The following TOP2A variants were observed in gnomAD, a reference collection of about 807,000 sequenced individuals.
TOP2A encodes the protein DNA topoisomerase II alpha.
Under a neutral mutation model 187.2 loss-of-function variants are expected in TOP2A, and 68 were observed. The ratio of observed to expected loss-of-function variants is 0.36; its 90% CI spans 0.30 to 0.44. The LOEUF (loss-of-function observed/expected upper bound fraction) is 0.44. Ranked by LOEUF, TOP2A falls within the 20% of genes least tolerant of loss-of-function variation. TOP2A has a pLI of 1.00. For synonymous variants in TOP2A, 542 were observed against 593.2 expected, an observed-to-expected ratio of 0.91 and a Z score of 1.25; for missense variants, 1,196 against 1,808.7, an observed-to-expected ratio of 0.66 and a Z score of 6.14.
At chr17:40,407,242 C>T (rs545436667) in intron 13 of TOP2A, among the ~76,000 whole-genome samples, 95 of 152,150 alleles carry the variant, frequency 6.2e-4, no homozygotes, top group Admixed American at 2.6e-4. Flanking sequence ...CCAGCCTGGG[C>T]GACAAGGGCG....
intron 16 of TOP2A, among the ~76,000 whole-genome samples, chr17:40,405,139 G>A (rs1391112663): frequency 6.6e-5 from 10 of 151,092 alleles, no homozygotes; most frequent in South Asian, 2.1e-4. Context: ...AAAGGCGCCC[G>A]CCACCACGCC....
In TOP2A at chr17:40,392,738, C is replaced by T; in HGVS notation, c.3812-1G>A. ...GTAGTTTGTTTCTTTGTCTTTGTAC[C>T]TAGAGGGGAGATAGAAATTAATCAC... On this transcript the variant is annotated splice_acceptor_variant, in intron 29 of 34. Coordinates refer to ENST00000423485, the MANE Select transcript of TOP2A (RefSeq NM_001067.4). LOFTEE classifies it high-confidence loss of function. 6.2e-7 allele frequency: 1 copy of T among 1,602,990 alleles called. No homozygotes were observed. Among genetic ancestry groups the T allele is most frequent in the Non-Finnish European group, 8.5e-7 (1 of 1,177,360 alleles).
At chr17:40,407,144 A>G (rs943395524) in intron 13 of TOP2A, among the ~76,000 whole-genome samples, 1 of 152,166 alleles carries the variant, frequency 6.6e-6, no homozygotes, top group African/African-American at 2.4e-5. Flanking sequence ...TCCGCCTGCA[A>G]TCCCAGCTAC....
At chr17:40,399,152 A>C in intron 24 of TOP2A, 21 bp from the exon 25 acceptor site, 11 of 1,462,794 alleles carry the variant, frequency 7.5e-6, no homozygotes, top group Non-Finnish European at 1.0e-5. Flanking sequence ...AAAAGTAAAC[A>C]GAGATAATGA....
At chr17:40,416,190 T>G in intron 3 of TOP2A, 122 bp from the exon 4 acceptor site, 1 of 856,268 alleles carries the variant, frequency 1.2e-6, no homozygotes, top group Non-Finnish European at 1.8e-6. Context: ...AACAAGGTGT[T>G]AATTTAGCAA....
chr17:40,396,274 G>T lies in TOP2A; in HGVS notation c.3720+9C>A. 2 of 1,470,322 alleles carry T rather than the reference G, an allele frequency of 1.4e-6. No individual in the cohort carries two copies. Among genetic ancestry groups the T allele is most frequent in the South Asian group, 1.2e-5 (1 of 85,096 alleles). 91.1% of individuals were successfully genotyped at this position (1,470,322 alleles called of 1,614,324 possible). On this transcript the variant is annotated intron_variant, in intron 28 of 34. Coordinates refer to ENST00000423485, the MANE Select transcript of TOP2A (RefSeq NM_001067.4). The stretch of plus-strand genomic sequence containing the variant: ...GGATTATAGGTGTGAGCCACCACAA[G>T]AGTATTACCTTAATTTTCTTTTTAT...
intron 4 of TOP2A, 35 bp downstream of exon 4, chr17:40,415,970 C>A: frequency 7.0e-7 from 1 of 1,426,684 alleles, no homozygotes; most frequent in South Asian, 1.2e-5. Context: ...ACAATAGCAA[C>A]GAGCTACATA....
intron 3 of TOP2A, 43 bp from the exon 4 acceptor site, chr17:40,416,111 T>TA (rs2035387067): frequency 4.9e-6 from 7 of 1,420,786 alleles, no homozygotes; most frequent in Non-Finnish European, 6.8e-6. Context: ...ATTAGTGTTT[T>TA]AAGAAACATT....
rs1163213181 is a variant in TOP2A at position 40,413,580 on chromosome 17, A to T, written c.378T>A (p.Pro126=). 2 of 1,487,966 alleles carry T rather than the reference A, an allele frequency of 1.3e-6. No individual in the cohort carries two copies. Among genetic ancestry groups the T allele is most frequent in the East Asian group, 5.0e-5 (2 of 40,256 alleles). The allele number at this position is 1,487,966 out of a possible 1,614,324, so 92.2% of individuals were successfully genotyped here. ...TCTTTTCAACTTTGTGTTCAACAAC[A>T]GGAATACCTTTTCCATTATTCCATA... is the stretch of plus-strand genomic sequence containing the variant. ...ISIWNNGKGI[P]VVEHKVEKMY... The change falls in exon 5 of 35, where the codon CCT becomes CCA. Residue 126 remains proline (P), a synonymous_variant. Transcript: ENST00000423485.
At chr17:40,416,594 T>C in intron 2 of TOP2A, 82 bp from the exon 3 acceptor site, 1 of 1,421,602 alleles carries the variant, frequency 7.0e-7, no homozygotes, top group Non-Finnish European at 9.9e-7. Context: ...AGTGTTCATA[T>C]TAAGTATTAC....
At chr17:40,413,020 A>G (rs2035342935) in intron 6 of TOP2A, 49 bp from the exon 7 acceptor site, 2 of 1,479,562 alleles carry the variant, frequency 1.4e-6, no homozygotes, top group South Asian at 1.2e-5. Flanking sequence ...TCATCTCACA[A>G]ACTGGAAGTA....
At chr17:40,395,223 C>T (rs996034102) in intron 29 of TOP2A, among the ~76,000 whole-genome samples, 2 of 140,458 alleles carry the variant, frequency 1.4e-5, no homozygotes, top group African/African-American at 2.7e-5. Flanking sequence ...GTGAAGATTG[C>T]AGTGAGCCGA....
chr17:40,401,780 C>T (rs1302248937), intron 20 of TOP2A, among the ~76,000 whole-genome samples: 1 of 151,690 alleles, frequency 6.6e-6, no homozygotes, highest in East Asian at 1.9e-4. Context: ...AAGAGTGTTG[C>T]AGGCAAAGGA....
chr17:40,409,577 G>A lies in TOP2A; in HGVS notation c.1204-947C>T, dbSNP rs920970061. The A allele has an allele frequency of 2.3e-4, 89 of 383,626 alleles. 1 individual carries two copies. In the Admixed American group the frequency reaches 3.0e-3, roughly 13 times the overall value. 23.8% of individuals were successfully genotyped at this position (383,626 alleles called of 1,614,324 possible). On this transcript the variant is annotated intron_variant, in intron 10 of 34. Coordinates refer to ENST00000423485, the MANE Select transcript of TOP2A (RefSeq NM_001067.4). ...AGTTCAAGACCAGCCTGGCCAACAT[G>A]GTAAAACCCCATCTCTATTAAAAAT... is the stretch of plus-strand genomic sequence containing the variant.
intron 1 of TOP2A, among the ~76,000 whole-genome samples, chr17:40,417,433 CA>C (rs1567792482): frequency 6.6e-6 from 1 of 152,130 alleles, no homozygotes; most frequent in Non-Finnish European, 1.5e-5. Context: ...AGACCGTTTT[CA>C]AGCAGCGGGC....
rs2143671488 is a variant in TOP2A at position 40,408,554 on chromosome 17, C to A, written c.1280G>T (p.Cys427Phe). The change falls in exon 11 of 35, where the codon TGT becomes TTT. Residue 427 changes from cysteine (C) to phenylalanine (F), a missense_variant. This residue lies in a region of TOP2A where 252 missense variants were observed against 434.8 expected (regional missense o/e 0.58). Coordinates refer to ENST00000423485, the MANE Select transcript of TOP2A (RefSeq NM_001067.4). ...GATTCTATTATGTTTTACAGCTGAACACTTCTTGTTTAACTGGACTTGGGC... is the reference window on the plus strand; with the variant it reads ...GATTCTATTATGTTTTACAGCTGAAAACTTCTTGTTTAACTGGACTTGGGC... ...FKAQVQLNKKCSAVKHNRIKG... is the reference protein window; with the variant it reads ...FKAQVQLNKKFSAVKHNRIKG... 1 of 1,613,782 alleles carries A rather than the reference C, an allele frequency of 6.2e-7. No individual in the cohort carries two copies. The highest frequency in any genetic ancestry group is 8.5e-7 in the Non-Finnish European group (1 of 1,179,764).
At chr17:40,400,466 G>C in intron 22 of TOP2A, 57 bp from the exon 23 acceptor site, 1 of 1,601,644 alleles carries the variant, frequency 6.2e-7, no homozygotes, top group Non-Finnish European at 8.5e-7. Context: ...ATAGTCAACA[G>C]CAATAGTACA....
In TOP2A at chr17:40,392,204, G is replaced by C. The variant is rs560314952; in HGVS notation, c.4088+14C>G. ...AACAATCATGACAAAACCCATATTA[G>C]ATAAGATACTTGCTTTGGGGAAGTT... On this transcript the variant is annotated intron_variant, in intron 31 of 34. Transcript: ENST00000423485. 2 of 1,612,994 alleles carry C rather than the reference G, an allele frequency of 1.2e-6. No individual in the cohort carries two copies. Among genetic ancestry groups the C allele is most frequent in the Admixed American group, 3.3e-5 (2 of 59,882 alleles).
chr17:40,413,085 A>T, intron 6 of TOP2A, 110 bp downstream of exon 6: 1 of 1,277,018 alleles, frequency 7.8e-7, no homozygotes. Flanking sequence ...ATAATTTTCC[A>T]TACTTCAATA....
Sources: allele counts gnomAD v4.1 joint callset (sites outside exome capture counted in the v4.1 genomes callset), GRCh38; gene constraint gnomAD v4.1.1; regional missense constraint gnomAD v4.1.1; transcripts MANE v1.5; gene names NCBI Gene and HGNC (gene_info 2026-07-23, HGNC 2026-07-21).